ADCY8: variants seen among roughly 807,000 people sequenced by gnomAD.
ADCY8 encodes the protein adenylate cyclase 8.
ADCY8 carries 51 observed loss-of-function variants against 119.7 expected under a neutral mutation model. The observed-to-expected ratio is 0.43, with a 90% CI of 0.34 to 0.54. ADCY8 has a LOEUF of 0.54. ADCY8 is among the 20% of genes least tolerant of loss of function. ADCY8 has a pLI of 0.03. For missense variants in ADCY8, 1,383 were observed against 1,598.8 expected (o/e 0.87, Z 2.30); for synonymous variants, 665 against 651.0 (o/e 1.02, Z -0.33).
At chr8:130,931,961 T>A (rs62518142) in intron 5 of ADCY8, among the ~76,000 whole-genome samples, 17,116 of 152,230 alleles carry the variant, frequency 0.11, 1,263 homozygotes, top group Non-Finnish European at 0.17. Context: ...CAGTCACTGG[T>A]ACCTTATTTT....
chr8:130,789,317 C>T (rs978189537), intron 15 of ADCY8, among the ~76,000 whole-genome samples: 2 of 152,190 alleles, frequency 1.3e-5, no homozygotes, highest in Non-Finnish European at 2.9e-5. Context: ...GCATGTATCC[C>T]TGTGCCTGGC....
intron 1 of ADCY8, among the ~76,000 whole-genome samples, chr8:131,004,512 A>T (rs959002891): frequency 6.6e-6 from 1 of 152,166 alleles, no homozygotes; most frequent in East Asian, 1.9e-4. Flanking sequence ...TGTACTCTGT[A>T]TAGGCATCTA....
At chr8:130,934,392 TACACACTTATAAACA>T (rs1820724516) in intron 5 of ADCY8, among the ~76,000 whole-genome samples, 1 of 151,352 alleles carries the variant, frequency 6.6e-6, no homozygotes, top group Non-Finnish European at 1.5e-5. Flanking sequence ...AAGGAGGTGC[TACACACTTATAAACA>T]ACCAGCTCTC....
At chr8:130,829,902 C>T (rs1489326768) in intron 12 of ADCY8, among the ~76,000 whole-genome samples, 1 of 152,226 alleles carries the variant, frequency 6.6e-6, no homozygotes, top group African/African-American at 2.4e-5. Context: ...AGCAATCAAA[C>T]TCCAAATGGT....
chr8:131,009,022 C>A (rs1244675922), intron 1 of ADCY8, among the ~76,000 whole-genome samples: 1 of 152,076 alleles, frequency 6.6e-6, no homozygotes, highest in Non-Finnish European at 1.5e-5. Context: ...GAAAGCAGAG[C>A]ATAAAAGTTC....
chr8:130,847,580 G>T, intron 10 of ADCY8, 67 bp from the exon 11 acceptor site: 1 of 1,356,088 alleles, frequency 7.4e-7, no homozygotes, highest in Non-Finnish European at 1.0e-6. Context: ...GTCAGTGTGA[G>T]TGCTGGAAAT....
intron 1 of ADCY8, among the ~76,000 whole-genome samples, chr8:131,012,308 A>T (rs1463026723): frequency 6.6e-6 from 1 of 152,202 alleles, no homozygotes; most frequent in Non-Finnish European, 1.5e-5. Flanking sequence ...GGGTCACACC[A>T]CCAGGTAAAC....
At chr8:130,790,958 G>A (rs1414572430) in intron 15 of ADCY8, among the ~76,000 whole-genome samples, 1 of 152,190 alleles carries the variant, frequency 6.6e-6, no homozygotes, top group Non-Finnish European at 1.5e-5. Context: ...TTCCAGATCT[G>A]TAGTACTCAG....
intron 8 of ADCY8, among the ~76,000 whole-genome samples, chr8:130,875,925 TACTC>T (rs1215759940): frequency 1.3e-5 from 2 of 152,216 alleles, no homozygotes; most frequent in Non-Finnish European, 2.9e-5. Context: ...TTTTTGAAAA[TACTC>T]AGCACAGAAC....
At chr8:130,968,110 A>G (rs111514550) in intron 2 of ADCY8, among the ~76,000 whole-genome samples, 1 of 152,142 alleles carries the variant, frequency 6.6e-6, no homozygotes, top group Non-Finnish European at 1.5e-5. Flanking sequence ...GATGCAGGCA[A>G]TAAGAGGGAC....
At chr8:130,855,577 C>A (rs1017079240) in intron 9 of ADCY8, among the ~76,000 whole-genome samples, 1 of 151,980 alleles carries the variant, frequency 6.6e-6, no homozygotes, top group Non-Finnish European at 1.5e-5. Flanking sequence ...TCCCCTCCCC[C>A]ACCCCGTCAC....
chr8:130,854,617 C>T (rs1483492104), intron 9 of ADCY8, among the ~76,000 whole-genome samples: 1 of 152,198 alleles, frequency 6.6e-6, no homozygotes, highest in East Asian at 1.9e-4. Context: ...AATACTGTGA[C>T]TCCAAAAGGG....
chr8:130,799,711 T>C (rs932370539), intron 15 of ADCY8, among the ~76,000 whole-genome samples: 5 of 152,248 alleles, frequency 3.3e-5, no homozygotes, highest in African/African-American at 1.2e-4. Context: ...CCTGGCCCCC[T>C]GCCTCAGTGT....
intron 1 of ADCY8, among the ~76,000 whole-genome samples, chr8:131,019,843 G>GTCTCTCTCTCTCTC (rs71306306): frequency 1.8e-4 from 16 of 86,882 alleles, no homozygotes; most frequent in Non-Finnish European, 2.5e-4. Flanking sequence ...CTCTCTGTCT[G>GTCTCTCTCTCTCTC]TCTCTCTCTC....
At chr8:130,985,577 G>C (rs1004239586) in intron 2 of ADCY8, among the ~76,000 whole-genome samples, 12 of 152,190 alleles carry the variant, frequency 7.9e-5, no homozygotes, top group African/African-American at 2.9e-4. Context: ...GACCCATCTA[G>C]TTGGAGCAGA....
At chr8:131,033,900 A>C (rs1458159651) in intron 1 of ADCY8, among the ~76,000 whole-genome samples, 1 of 152,060 alleles carries the variant, frequency 6.6e-6, no homozygotes, top group Non-Finnish European at 1.5e-5. Context: ...GTTCAGAGGA[A>C]TCTCTTGGGA....
intron 1 of ADCY8, among the ~76,000 whole-genome samples, chr8:131,017,358 C>A (rs866376199): frequency 9.2e-5 from 14 of 152,184 alleles, no homozygotes; most frequent in African/African-American, 3.1e-4. Flanking sequence ...GCATGAGCCA[C>A]CACACCGGGC....
chr8:130,977,920 T>C (rs1345488934), intron 2 of ADCY8, among the ~76,000 whole-genome samples: 1 of 152,212 alleles, frequency 6.6e-6, no homozygotes, highest in African/African-American at 2.4e-5. Context: ...TTTCCATGAT[T>C]CCATCTAATC....
chr8:130,891,584 A>G (rs1819189298), intron 7 of ADCY8, among the ~76,000 whole-genome samples: 1 of 152,186 alleles, frequency 6.6e-6, no homozygotes, highest in Admixed American at 6.6e-5. Flanking sequence ...CTTCAAGGTG[A>G]TCTAGTCTAC....
Sources: allele counts gnomAD v4.1 joint callset (sites outside exome capture counted in the v4.1 genomes callset), GRCh38; gene constraint gnomAD v4.1.1; transcripts MANE v1.5; gene names NCBI Gene and HGNC (gene_info 2026-07-23, HGNC 2026-07-21).